The following DLG2 variants were observed in gnomAD, a reference collection of about 807,000 sequenced individuals.
DLG2 encodes disks large homolog 2.
DLG2 carries 45 observed loss-of-function variants against 132.5 expected under a neutral mutation model. The ratio of observed to expected loss-of-function variants is 0.34; its 90% CI spans 0.27 to 0.44. DLG2 has a LOEUF of 0.44. DLG2 is among the 20% of genes least tolerant of loss of function. DLG2 has a pLI of 1.00. For synonymous variants in DLG2, 424 were observed against 419.6 expected (o/e 1.01, Z -0.13); for missense variants, 1,045 against 1,196.9 (o/e 0.87, Z 1.87).
intron 6 of DLG2, among the ~76,000 whole-genome samples, chr11:85,039,475 G>C (rs908648863): frequency 6.6e-6 from 1 of 151,852 alleles, no homozygotes; most frequent in Admixed American, 6.6e-5. Flanking sequence ...AGTTGTATAA[G>C]CTTAAGTAGG....
intron 6 of DLG2, among the ~76,000 whole-genome samples, chr11:84,587,373 A>G (rs1206001164): frequency 6.6e-6 from 1 of 152,176 alleles, no homozygotes; most frequent in African/African-American, 2.4e-5. Context: ...TTCCATCATT[A>G]TATCTGACAT....
At chr11:83,882,336 T>A (rs2066504174) in intron 15 of DLG2, among the ~76,000 whole-genome samples, 1 of 152,184 alleles carries the variant, frequency 6.6e-6, no homozygotes, top group Non-Finnish European at 1.5e-5. Context: ...CTTATAGAAA[T>A]GCAAAGTGTA....
At chr11:85,047,588 G>C (rs2062467078) in intron 6 of DLG2, among the ~76,000 whole-genome samples, 1 of 151,764 alleles carries the variant, frequency 6.6e-6, no homozygotes, top group African/African-American at 2.4e-5. Flanking sequence ...ATCTCCCTGA[G>C]TATCTGTTTT....
At chr11:84,270,054 A>G (rs17147105) in intron 7 of DLG2, among the ~76,000 whole-genome samples, 18,464 of 152,172 alleles carry the variant, frequency 0.12, 1,318 homozygotes, top group Non-Finnish European at 0.15. Context: ...GCCAGTCTCT[A>G]TGAAAAGAAC....
At chr11:84,115,045 T>A (rs2093566757) in intron 9 of DLG2, among the ~76,000 whole-genome samples, 1 of 152,190 alleles carries the variant, frequency 6.6e-6, no homozygotes, top group South Asian at 2.1e-4. Flanking sequence ...AGTTTTATAT[T>A]CTATTTGTTA....
chr11:84,206,586 C>T (rs531995051), intron 8 of DLG2, among the ~76,000 whole-genome samples: 2 of 152,108 alleles, frequency 1.3e-5, no homozygotes, highest in South Asian at 4.1e-4. Context: ...GTGGGCTTAA[C>T]ATTTAAAAAT....
chr11:84,358,799 TA>T (rs761022331), intron 7 of DLG2, among the ~76,000 whole-genome samples: 5 of 151,950 alleles, frequency 3.3e-5, no homozygotes, highest in Non-Finnish European at 5.9e-5. Context: ...AATAACTAAT[TA>T]AATCCAACAG....
chr11:83,824,213 C>G (rs2051772725), intron 17 of DLG2, among the ~76,000 whole-genome samples: 1 of 152,110 alleles, frequency 6.6e-6, no homozygotes, highest in Non-Finnish European at 1.5e-5. Context: ...TTTCTAGGGG[C>G]CCTCTTTGTT....
At chr11:84,948,492 T>G (rs568093144) in intron 6 of DLG2, among the ~76,000 whole-genome samples, 102 of 152,326 alleles carry the variant, frequency 6.7e-4, no homozygotes, top group African/African-American at 2.4e-3. Context: ...ATTCTTCAAT[T>G]TGCTAATCTC....
intron 18 of DLG2, among the ~76,000 whole-genome samples, chr11:83,715,624 A>C (rs954851009): frequency 1.3e-5 from 2 of 152,170 alleles, no homozygotes; most frequent in Non-Finnish European, 2.9e-5. Context: ...TTCCTGCTTA[A>C]AACCACTTAA....
At chr11:84,572,729 G>C (rs1201302449) in intron 6 of DLG2, among the ~76,000 whole-genome samples, 1 of 152,036 alleles carries the variant, frequency 6.6e-6, no homozygotes, top group African/African-American at 2.4e-5. Context: ...AAGCAACCTT[G>C]AGGAATGAGG....
intron 6 of DLG2, among the ~76,000 whole-genome samples, chr11:84,784,851 T>G (rs1319361906): frequency 6.6e-6 from 1 of 152,030 alleles, no homozygotes; most frequent in Non-Finnish European, 1.5e-5. Context: ...AAATTTCAGA[T>G]AGGAGGAGTA....
At chr11:85,364,792 G>T (rs1440863693) in intron 3 of DLG2, among the ~76,000 whole-genome samples, 1 of 152,048 alleles carries the variant, frequency 6.6e-6, no homozygotes, top group African/African-American at 2.4e-5. Flanking sequence ...ATTTCAGATA[G>T]ATTTTCAAAA....
intron 18 of DLG2, among the ~76,000 whole-genome samples, chr11:83,746,773 A>G (rs2092945688): frequency 6.6e-6 from 1 of 152,214 alleles, no homozygotes; most frequent in Non-Finnish European, 1.5e-5. Context: ...TTTCTTTCAA[A>G]GCAGCTCCTT....
At chr11:83,986,353 T>C (rs1323276226) in intron 11 of DLG2, among the ~76,000 whole-genome samples, 1 of 151,896 alleles carries the variant, frequency 6.6e-6, no homozygotes, top group Non-Finnish European at 1.5e-5. Flanking sequence ...AGTGATGATT[T>C]CCAATTTCAT....
chr11:84,024,808 T>C (rs547115260), intron 11 of DLG2, among the ~76,000 whole-genome samples: 1 of 151,398 alleles, frequency 6.6e-6, no homozygotes, highest in Admixed American at 6.6e-5. Flanking sequence ...GGGGAATATA[T>C]TTTTTCTTTT....
At chr11:84,323,164 A>G (rs1017192744) in intron 7 of DLG2, among the ~76,000 whole-genome samples, 13 of 152,086 alleles carry the variant, frequency 8.5e-5, no homozygotes, top group African/African-American at 1.4e-4. Flanking sequence ...ACCATGCATG[A>G]TTAAAAGTCT....
chr11:84,376,215 T>A (rs1205437091), intron 7 of DLG2, among the ~76,000 whole-genome samples: 1 of 151,960 alleles, frequency 6.6e-6, no homozygotes, highest in African/African-American at 2.4e-5. Context: ...ATTATTAGCA[T>A]GACTTAAAAA....
At chr11:85,347,829 A>C (rs1444062143) in intron 3 of DLG2, among the ~76,000 whole-genome samples, 2 of 138,558 alleles carry the variant, frequency 1.4e-5, no homozygotes, top group African/African-American at 5.5e-5. Flanking sequence ...TTTGAGAGCA[A>C]GTCTCACTCT....
Sources: gnomAD v4.1 joint callset for allele counts (sites outside exome capture counted in the v4.1 genomes callset) on GRCh38, gnomAD v4.1.1 for gene constraint, MANE v1.5 for transcripts, NCBI Gene and HGNC (gene_info 2026-07-23, HGNC 2026-07-21) for gene names.